The following NCAPH2 variants were observed in gnomAD, a reference collection of about 807,000 sequenced individuals.
NCAPH2 encodes condensin-2 complex subunit H2.
Under a neutral mutation model 88.6 loss-of-function variants are expected in NCAPH2, and 56 were observed. The observed-to-expected ratio is 0.63, with a 90% CI of 0.51 to 0.79. The LOEUF (loss-of-function observed/expected upper bound fraction) is 0.79. NCAPH2 is among the 30% of genes least tolerant of loss of function. The pLI, the probability that NCAPH2 is intolerant of heterozygous loss-of-function variation, is 0.00. For missense variants in NCAPH2, 794 were observed against 792.0 expected, an observed-to-expected ratio of 1.00 and a Z score of -0.03; for synonymous variants, 378 against 313.6, an observed-to-expected ratio of 1.21 and a Z score of -2.17.
intron 1 of NCAPH2, among the ~76,000 whole-genome samples, chr22:50,515,522 G>A (rs985831437): frequency 1.3e-5 from 2 of 151,958 alleles, no homozygotes; most frequent in Non-Finnish European, 2.9e-5. Flanking sequence ...TCAGCCTCCC[G>A]AGTAGCTGGG....
chr22:50,511,092 C>T (rs946671424), intron 1 of NCAPH2, among the ~76,000 whole-genome samples: 3 of 151,296 alleles, frequency 2.0e-5, no homozygotes, highest in Non-Finnish European at 2.9e-5. Context: ...GTGATCCGCC[C>T]GTGTCGGTGT....
At chr22:50,520,920 A>G (rs1042376007) in intron 9 of NCAPH2, 45 bp from the exon 10 acceptor site, 66 of 1,546,990 alleles carry the variant, frequency 4.3e-5, no homozygotes, top group Non-Finnish European at 5.2e-5. Context: ...CAGAGCCTTG[A>G]GGGGAGAAAG....
At chr22:50,519,917 C>T (rs529437014) in intron 9 of NCAPH2, among the ~76,000 whole-genome samples, 6 of 152,222 alleles carry the variant, frequency 3.9e-5, no homozygotes, top group Non-Finnish European at 8.8e-5. Flanking sequence ...GTCCCCCAGG[C>T]TGGAGTGCAG....
chr22:50,511,538 G>A lies in NCAPH2; in HGVS notation c.108+3093G>A, dbSNP rs1170064388. ...GATCTCCTGACCTCATGATCCACCC[G>A]CCTCGGCCTCCCAAAGTGCTGGGAT... On this transcript the variant is annotated intron_variant, in intron 1 of 19. Transcript: ENST00000420993. 2.1e-5 allele frequency among the ~76,000 whole-genome samples: 3 copies of A among 142,662 alleles called. 1 individual carries two copies. Among genetic ancestry groups the A allele is most frequent in the African/African-American group, 6.0e-5 (2 of 33,336 alleles). 93.6% of individuals were successfully genotyped at this position (142,662 alleles called of 152,430 possible).
intron 9 of NCAPH2, chr22:50,519,912 C>T (rs1416488869): frequency 4.4e-6 from 2 of 459,064 alleles, no homozygotes; most frequent in South Asian, 1.8e-4. Context: ...GCTCTGTCCC[C>T]CAGGCTGGAG....
chr22:50,522,031 C>A lies in NCAPH2; in HGVS notation c.1154C>A (p.Ser385Tyr). 1 of 1,614,050 alleles carries A rather than the reference C, an allele frequency of 6.2e-7. No homozygotes were observed. The highest frequency in any genetic ancestry group is 8.5e-7 in the Non-Finnish European group (1 of 1,179,976). The change falls in exon 13 of 20, where the codon TCC becomes TAC. Residue 385 changes from serine to tyrosine, a missense_variant. This residue lies in a region of NCAPH2 where 735 missense variants were observed against 696.3 expected (regional missense o/e 1.06). Coordinates refer to ENST00000420993, the MANE Select transcript of NCAPH2 (RefSeq NM_152299.4). The part of the protein sequence containing the change: ...DSRRLRRKGP[S>Y]FADMEVLYWT... ...AGGCGGCTTCGGCGAAAGGGTCCGT[C>A]CTTTGCAGGTGAGGCTGAAGTCCTC...
Position 50,523,946 on chromosome 22 carries a change from C to T in NCAPH2, c.*571C>T. 6.2e-7 allele frequency: 1 copy of T among 1,612,514 alleles called. No homozygotes were observed. Among genetic ancestry groups the T allele is most frequent in the Non-Finnish European group, 8.5e-7 (1 of 1,179,008 alleles). ...AAGACAGGCTGCACTGGAGGCAAACCAGGCTCTGCTTCCAGCTGCCGCACC... is the reference window on the plus strand; with the variant it reads ...AAGACAGGCTGCACTGGAGGCAAACTAGGCTCTGCTTCCAGCTGCCGCACC... On this transcript the variant is annotated 3_prime_UTR_variant, in exon 20 of 20. Transcript: ENST00000420993.
At chr22:50,521,879 C>G (rs1360465612) in intron 12 of NCAPH2, 31 bp downstream of exon 12, 1 of 1,613,426 alleles carries the variant, frequency 6.2e-7, no homozygotes, top group East Asian at 2.2e-5. Flanking sequence ...CTCCGGACCA[C>G]TGGGAGCTGG....
In NCAPH2 at chr22:50,515,828, C is replaced by T. The variant is rs2068905992; in HGVS notation, c.109-619C>T. On this transcript the variant is annotated intron_variant, in intron 1 of 19. Coordinates refer to ENST00000420993, the MANE Select transcript of NCAPH2 (RefSeq NM_152299.4). ...ACATTTGAATGTACTCTGTGGACAGCTATGAATGCAGCCCCAGAGCTAAGG... is the reference window on the plus strand; with the variant it reads ...ACATTTGAATGTACTCTGTGGACAGTTATGAATGCAGCCCCAGAGCTAAGG... The T allele has an allele frequency of 4.7e-6, 6 of 1,274,278 alleles. No homozygotes were observed. The South Asian group carries it at 6.4e-5, about 14-fold the overall frequency. The allele number at this position is 1,274,278 out of a possible 1,614,324, so 78.9% of individuals were successfully genotyped here. A position where few individuals can be genotyped will look rare whatever the true frequency, so the allele number is the denominator to read the frequency against.
At position 50,524,606 on chromosome 22, in the gene NCAPH2, C is replaced by G. The variant is rs1046976328; in HGVS notation, c.*1231C>G. ...CCTCCACCAAACATCCACACCTGGGCAACCACACCTGTCACTCCTGTCCTC... is the reference window on the plus strand; with the variant it reads ...CCTCCACCAAACATCCACACCTGGGGAACCACACCTGTCACTCCTGTCCTC... On this transcript the variant is annotated 3_prime_UTR_variant, in exon 20 of 20. Coordinates refer to ENST00000420993, the MANE Select transcript of NCAPH2 (RefSeq NM_152299.4). 3 of 716,750 alleles carry G rather than the reference C, an allele frequency of 4.2e-6. No individual in the cohort carries two copies. Among genetic ancestry groups the G allele is most frequent in the Non-Finnish European group, 7.8e-6 (3 of 386,564 alleles). 44.4% of individuals were successfully genotyped at this position (716,750 alleles called of 1,614,324 possible). A position where few individuals can be genotyped will look rare whatever the true frequency, so the allele number is the denominator to read the frequency against.
At chr22:50,518,540 G>C in intron 7 of NCAPH2, 109 bp from the exon 8 acceptor site, 1 of 1,196,214 alleles carries the variant, frequency 8.4e-7, no homozygotes, top group Non-Finnish European at 1.2e-6. Flanking sequence ...CCTGGAGTCT[G>C]CTGGTCTCTG....
At chr22:50,512,171 T>C (rs1160839248) in intron 1 of NCAPH2, among the ~76,000 whole-genome samples, 1 of 152,264 alleles carries the variant, frequency 6.6e-6, no homozygotes, top group Non-Finnish European at 1.5e-5. Flanking sequence ...ACCATACTTA[T>C]GCCCTCTTTT....
At chr22:50,511,222 G>T (rs913949219) in intron 1 of NCAPH2, among the ~76,000 whole-genome samples, 2 of 151,174 alleles carry the variant, frequency 1.3e-5, no homozygotes, top group Admixed American at 1.3e-4. Context: ...GAGTGCAGTG[G>T]TGCAATCTCA....
intron 1 of NCAPH2, among the ~76,000 whole-genome samples, chr22:50,515,186 C>T (rs1035375397): frequency 6.6e-6 from 1 of 152,130 alleles, no homozygotes; most frequent in Non-Finnish European, 1.5e-5. Flanking sequence ...AAAGAGTTTG[C>T]GTGGGGACAG....
chr22:50,518,961 C>T (rs1369287342), intron 8 of NCAPH2, among the ~76,000 whole-genome samples: 1 of 152,200 alleles, frequency 6.6e-6, no homozygotes. Context: ...TGGGTCTCCT[C>T]TCTGGGCAGA....
chr22:50,519,514 C>A, intron 9 of NCAPH2, 194 bp downstream of exon 9: 2 of 1,425,948 alleles, frequency 1.4e-6, no homozygotes, highest in Non-Finnish European at 1.8e-6. Flanking sequence ...TGTTCCTCCC[C>A]TCTCTGAGCA....
At position 50,523,604 on chromosome 22, in the gene NCAPH2, C is replaced by T. The variant is rs1030029119; in HGVS notation, c.*229C>T. On this transcript the variant is annotated 3_prime_UTR_variant, in exon 20 of 20. Coordinates refer to ENST00000420993, the MANE Select transcript of NCAPH2 (RefSeq NM_152299.4). ...CCGTTTAATGATGGGGCCCAGACTGCAGTGGCTCAAGACAGGACACTGCGG... is the reference window on the plus strand; with the variant it reads ...CCGTTTAATGATGGGGCCCAGACTGTAGTGGCTCAAGACAGGACACTGCGG... The T allele has an allele frequency of 1.9e-6, 3 of 1,612,940 alleles. No homozygotes were observed. Among genetic ancestry groups the T allele is most frequent in the East Asian group, 2.2e-5 (1 of 44,884 alleles).
intron 1 of NCAPH2, 58 bp from the exon 2 acceptor site, chr22:50,516,389 A>G (rs2068923745): frequency 1.3e-6 from 2 of 1,548,008 alleles, no homozygotes; most frequent in African/African-American, 2.7e-5. Flanking sequence ...GCTGCCCTGG[A>G]AGAAGCGAGT....
chr22:50,523,119 C>T lies in NCAPH2; in HGVS notation c.1630C>T (p.Gln544Ter). 6.2e-7 allele frequency: 1 copy of T among 1,613,546 alleles called. No homozygotes were observed. Among genetic ancestry groups the T allele is most frequent in the Non-Finnish European group, 8.5e-7 (1 of 1,179,808 alleles). ...WCPFAELVAGQPAFEVCRSML... is the reference protein window; with the variant it reads ...WCPFAELVAG ...TCCCTTTGCGGAGCTGGTGGCTGGC[C>T]AGCCGGCCTTCGAGGTGTGTCGTTC... Residue 544 changes from glutamine (Q) to a stop codon, truncating the protein, a stop_gained, in exon 19 of 20, where the codon CAG becomes TAG. Transcript: ENST00000420993. LOFTEE classifies it high-confidence loss of function.
Sources: allele counts gnomAD v4.1 joint callset (sites outside exome capture counted in the v4.1 genomes callset), GRCh38; gene constraint gnomAD v4.1.1; regional missense constraint gnomAD v4.1.1; transcripts MANE v1.5; gene names NCBI Gene and HGNC (gene_info 2026-07-23, HGNC 2026-07-21).